Variants in METTL21A observed in about 807,000 individuals in gnomAD.
METTL21A encodes methyltransferase 21A, HSPA lysine.
A neutral mutation model predicts 20.9 loss-of-function variants in METTL21A; 22 were observed. That is an observed-to-expected ratio of 1.05 (90% CI 0.75 to 1.50). The LOEUF is 1.50. Ranked by LOEUF, METTL21A falls within the 40% of genes most tolerant of loss-of-function variation. METTL21A has a pLI of 0.00. For missense variants in METTL21A, 271 were observed against 266.8 expected, an observed-to-expected ratio of 1.02 and a Z score of -0.11; for synonymous variants, 93 against 102.0, an observed-to-expected ratio of 0.91 and a Z score of 0.53.
At chr2:207,591,366 C>A (rs2084990784) in intron 3 of METTL21A, among the ~76,000 whole-genome samples, 1 of 152,152 alleles carries the variant, frequency 6.6e-6, no homozygotes, top group African/African-American at 2.4e-5. Context: ...TTATCCCTGA[C>A]AATATTCCTT....
chr2:207,595,647 T>C (rs1410501059), intron 3 of METTL21A, among the ~76,000 whole-genome samples: 1 of 152,010 alleles, frequency 6.6e-6, no homozygotes, highest in African/African-American at 2.4e-5. Context: ...CACTGCAACC[T>C]AAGACCTCCT....
At chr2:207,619,765 G>A (rs2090255035) in intron 3 of METTL21A, among the ~76,000 whole-genome samples, 1 of 52,982 alleles carries the variant, frequency 1.9e-5, no homozygotes. Context: ...CAGATTGCTA[G>A]ATCAGAAAAA....
rs1265843464 is a variant in METTL21A at position 207,603,488 on chromosome 2, G to A, written c.259+18318C>T. On this transcript the variant is annotated intron_variant, in intron 3 of 3. Coordinates refer to the METTL21A transcript ENST00000425132. ...ATATTTTGTTGGGTTTTTTTTGCTA[G>A]TAGTGTGAAGCCATGTTTTATTGGA... 37 of 225,188 alleles carry A rather than the reference G, an allele frequency of 1.6e-4. No individual in the cohort carries two copies. In the East Asian group the frequency reaches 2.4e-3, roughly 14 times the overall value. The allele number at this position is 225,188 out of a possible 1,614,324, so 13.9% of individuals were successfully genotyped here.
At chr2:207,585,238 C>A (rs2083611482) in intron 3 of METTL21A, among the ~76,000 whole-genome samples, 1 of 152,226 alleles carries the variant, frequency 6.6e-6, no homozygotes, top group Non-Finnish European at 1.5e-5. Flanking sequence ...TCCCCATCCT[C>A]AGCAAAGCTT....
chr2:207,605,531 AAAAG>A (rs1010408771), downstream of METTL21A, among the ~76,000 whole-genome samples: 6 of 152,146 alleles, frequency 3.9e-5, no homozygotes, highest in African/African-American at 1.4e-4. Flanking sequence ...ACTTCTAAAA[AAAAG>A]AAACATGGAA....
chr2:207,621,443 A>G (rs1460338930), intron 3 of METTL21A, among the ~76,000 whole-genome samples: 1 of 152,232 alleles, frequency 6.6e-6, no homozygotes, highest in Non-Finnish European at 1.5e-5. Flanking sequence ...TATGGGAAAG[A>G]AAGCCCCTGA....
downstream of METTL21A, chr2:207,609,221 C>T (rs1014976862): frequency 2.6e-5 from 4 of 152,142 alleles, no homozygotes; most frequent in African/African-American, 9.7e-5. Context: ...AGGAAGAGAA[C>T]GTCCTGTTTT....
Position 207,620,845 on chromosome 2 carries a change from A to G in METTL21A, c.259+961T>C. ...ATTGGGTTTCTGGAAAACAGGCAGG[A>G]CAAAAGAGGGGCTTTAGCTGGTCCT... On this transcript the variant is annotated intron_variant, in intron 3 of 3. Transcript: ENST00000406927. The G allele has an allele frequency of 4.8e-6, 3 of 621,988 alleles. No individual in the cohort carries two copies. The South Asian group carries it at 6.4e-5, about 13-fold the overall frequency. 38.5% of individuals were successfully genotyped at this position (621,988 alleles called of 1,614,324 possible).
intron 3 of METTL21A, among the ~76,000 whole-genome samples, chr2:207,583,253 A>G (rs1359591435): frequency 6.6e-6 from 1 of 152,114 alleles, no homozygotes; most frequent in Non-Finnish European, 1.5e-5. Flanking sequence ...CCTGGGACCA[A>G]TCCCCCACAG....
rs1326287800 is a variant in METTL21A at position 207,624,237 on chromosome 2, AAACC to A, written c.135_138del (p.Val46GlyfsTer35). ...CCCCAGGGCTTACTTACCGCATCCCAAACCACCGCTGCGACTCCCAGGTGTCTCC... is the reference window on the plus strand; with the variant it reads ...CCCCAGGGCTTACTTACCGCATCCCAACCGCTGCGACTCCCAGGTGTCTCC... On this transcript the variant is annotated frameshift_variant, in exon 2 of 4. Coordinates refer to ENST00000406927, the Ensembl canonical transcript of METTL21A. LOFTEE classifies it high-confidence loss of function. 22 of 1,605,396 alleles carry A rather than the reference AAACC, an allele frequency of 1.4e-5. No homozygotes were observed. Among genetic ancestry groups the A allele is most frequent in the Non-Finnish European group, 1.8e-5 (21 of 1,176,346 alleles).
At chr2:207,592,109 A>G (rs1480234921) in intron 3 of METTL21A, among the ~76,000 whole-genome samples, 2 of 152,172 alleles carry the variant, frequency 1.3e-5, no homozygotes, top group Admixed American at 6.5e-5. Context: ...TTTGCTGGGT[A>G]TAGAATTCTG....
At chr2:207,621,416 G>A (rs2090461484) in intron 3 of METTL21A, among the ~76,000 whole-genome samples, 1 of 152,140 alleles carries the variant, frequency 6.6e-6, no homozygotes, top group African/African-American at 2.4e-5. Context: ...TCCCTCACAG[G>A]GTTAAATCAG....
intron 1 of METTL21A, chr2:207,624,751 A>C (rs1203096281): frequency 6.5e-6 from 1 of 153,390 alleles, no homozygotes; most frequent in African/African-American, 2.4e-5. Context: ...CAGCGCGGAA[A>C]GCAGCGCTTC....
chr2:207,586,991 T>G (rs2083964205), intron 3 of METTL21A, among the ~76,000 whole-genome samples: 1 of 152,230 alleles, frequency 6.6e-6, no homozygotes, highest in African/African-American at 2.4e-5. Context: ...ACACTGATGA[T>G]GCAGAGAAAG....
intron 3 of METTL21A, chr2:207,597,049 A>G: frequency 1.3e-6 from 2 of 1,597,574 alleles, no homozygotes; most frequent in Non-Finnish European, 1.7e-6. Context: ...ACTGCCACAA[A>G]TCAGATTAAT....
At position 207,595,655 on chromosome 2, in the gene METTL21A, C is replaced by G. The variant is rs144961680; in HGVS notation, c.260-13495G>C. 3.4e-3 allele frequency among the ~76,000 whole-genome samples: 524 copies of G among 152,240 alleles called. 6 individuals carry two copies. Among genetic ancestry groups the G allele is most frequent in the Middle Eastern group, 6.8e-3 (2 of 292 alleles). ...CACGGCTCACTGCAACCTAAGACCT[C>G]CTGGGCTTAAGCAGTCCTCCCACCT... On this transcript the variant is annotated intron_variant, in intron 3 of 3. Coordinates refer to the METTL21A transcript ENST00000425132.
intron 3 of METTL21A, among the ~76,000 whole-genome samples, chr2:207,591,087 T>G (rs2084944370): frequency 6.6e-6 from 1 of 152,210 alleles, no homozygotes; most frequent in Admixed American, 6.5e-5. Context: ...TCTTAAATTA[T>G]CAAGTATCAT....
rs187857885 is a variant in METTL21A, at chr2:207,613,063, G to A, written c.640C>T (p.Gln214Ter). The A allele has an allele frequency of 1.3e-5, 20 of 1,563,890 alleles. No homozygotes were observed. In the East Asian group the frequency reaches 3.8e-4, roughly 30 times the overall value. Residue 214 changes from glutamine (Q) to a stop codon, truncating the protein, a stop_gained, in exon 4 of 4, where the codon CAG (glutamine) becomes TAG (stop). Coordinates refer to ENST00000406927, the Ensembl canonical transcript of METTL21A. LOFTEE classifies it high-confidence loss of function. ...ATAGCCAATTATAAGTCCTCCTTCT[G>A]GTTTCTCTTCTGTGCTTCGTAAATA...
chr2:207,598,975 T>C (rs957667980), intron 3 of METTL21A: 2 of 185,770 alleles, frequency 1.1e-5, no homozygotes, highest in African/African-American at 2.3e-5. Context: ...CAACAAAATA[T>C]GAAGATTTAA....
Sources: gnomAD v4.1 joint callset for allele counts (sites outside exome capture counted in the v4.1 genomes callset) on GRCh38, gnomAD v4.1.1 for gene constraint, MANE v1.5 for transcripts, NCBI Gene and HGNC (gene_info 2026-07-23, HGNC 2026-07-21) for gene names.